Variants in KLHL13 observed in about 807,000 individuals in gnomAD.
KLHL13 encodes the protein kelch-like protein 13.
A neutral mutation model predicts 37.1 loss-of-function variants in KLHL13; 10 were observed. The ratio of observed to expected loss-of-function variants is 0.27; its 90% CI spans 0.17 to 0.46. The LOEUF (loss-of-function observed/expected upper bound fraction) is 0.46. KLHL13 is among the 20% of genes least tolerant of loss of function. KLHL13 has a pLI of 1.00. For missense variants in KLHL13, 360 were observed against 509.3 expected (o/e 0.71, Z 2.82); for synonymous variants, 163 against 181.2 (o/e 0.90, Z 0.81).
chrX:118,032,775 A>G (rs1026129977), intron 1 of KLHL13, among the ~76,000 whole-genome samples: 3 of 112,282 alleles, frequency 2.7e-5, no homozygotes, highest in Non-Finnish European at 5.6e-5. Context: ...AGAAGGCTTC[A>G]GACGGTCAAA....
chrX:117,938,366 G>A (rs1014626589), intron 2 of KLHL13, among the ~76,000 whole-genome samples: 5 of 111,019 alleles, frequency 4.5e-5, no homozygotes, highest in African/African-American at 9.8e-5. Context: ...GCCATGACTC[G>A]GTGGAAGAAG....
chrX:118,092,729 A>C, intron 1 of KLHL13, among the ~76,000 whole-genome samples: 1 of 110,926 alleles, frequency 9.0e-6, no homozygotes, highest in East Asian at 2.8e-4. Flanking sequence ...ATCATTGTGG[A>C]GGTGGTTACA....
chrX:118,059,754 C>T (rs2054721579), intron 1 of KLHL13, among the ~76,000 whole-genome samples: 1 of 111,234 alleles, frequency 9.0e-6, no homozygotes, highest in South Asian at 3.8e-4. Flanking sequence ...TCCAAACTCC[C>T]TCTCTGGGCT....
At chrX:117,981,627 A>C in intron 1 of KLHL13, among the ~76,000 whole-genome samples, 1 of 111,967 alleles carries the variant, frequency 8.9e-6, no homozygotes, top group Middle Eastern at 4.6e-3. Flanking sequence ...AGTCAGAGAC[A>C]CTTGAGCATT....
chrX:117,940,041 C>T (rs1016044755), intron 2 of KLHL13, among the ~76,000 whole-genome samples: 1 of 111,707 alleles, frequency 9.0e-6, no homozygotes, highest in Non-Finnish European at 1.9e-5. Flanking sequence ...AATGGTATTG[C>T]CTAGGTTTTC....
chrX:117,941,598 T>C (rs1207476234), intron 2 of KLHL13, among the ~76,000 whole-genome samples: 1 of 111,954 alleles, frequency 8.9e-6, no homozygotes, highest in Admixed American at 9.5e-5. Flanking sequence ...TACCCATTTC[T>C]TCTAGATTTT....
intron 1 of KLHL13, among the ~76,000 whole-genome samples, chrX:118,032,649 A>G (rs1193730388): frequency 1.8e-5 from 2 of 112,245 alleles, no homozygotes; most frequent in Non-Finnish European, 3.8e-5. Context: ...GAAAAAACAG[A>G]GCAGAAAAAC....
intron 1 of KLHL13, among the ~76,000 whole-genome samples, chrX:118,031,591 T>C (rs1004487177): frequency 5.1e-5 from 5 of 98,369 alleles, no homozygotes; most frequent in Admixed American, 1.2e-4. Context: ...ATATATTTAG[T>C]TATATATATA....
chrX:118,002,167 C>T (rs1044135178), intron 1 of KLHL13, among the ~76,000 whole-genome samples: 5 of 111,508 alleles, frequency 4.5e-5, no homozygotes, highest in Non-Finnish European at 9.4e-5. Flanking sequence ...CCTAAATCAC[C>T]GGGTTAGATG....
At chrX:117,953,266 G>C (rs1933727081) in intron 1 of KLHL13, among the ~76,000 whole-genome samples, 1 of 110,812 alleles carries the variant, frequency 9.0e-6, no homozygotes, top group Non-Finnish European at 1.9e-5. Context: ...GGACATGGAT[G>C]AAATTGGAAA....
intron 2 of KLHL13, among the ~76,000 whole-genome samples, chrX:117,926,557 G>T (rs1304274333): frequency 9.0e-6 from 1 of 111,614 alleles, no homozygotes; most frequent in African/African-American, 3.3e-5. Context: ...CAAGGCTGGG[G>T]TTTTAAGCAT....
intron 1 of KLHL13, among the ~76,000 whole-genome samples, chrX:118,092,346 G>A (rs771354251): frequency 1.8e-5 from 2 of 111,552 alleles, no homozygotes; most frequent in South Asian, 7.5e-4. Context: ...CAATTCACAT[G>A]ACAGCAGATT....
intron 1 of KLHL13, among the ~76,000 whole-genome samples, chrX:118,046,144 T>C (rs1458063198): frequency 8.9e-6 from 1 of 112,474 alleles, no homozygotes; most frequent in Non-Finnish European, 1.9e-5. Context: ...AACCTAAGTG[T>C]CCATCAACAG....
intron 1 of KLHL13, among the ~76,000 whole-genome samples, chrX:118,056,528 T>C (rs966419018): frequency 8.9e-6 from 1 of 111,967 alleles, no homozygotes; most frequent in African/African-American, 3.2e-5. Context: ...CAGGAAAGCC[T>C]TATCTGTCCT....
chrX:117,922,292 G>A (rs915982192), intron 2 of KLHL13, among the ~76,000 whole-genome samples: 1 of 111,258 alleles, frequency 9.0e-6, no homozygotes, highest in African/African-American at 3.3e-5. Flanking sequence ...CAATAAATTT[G>A]TGGGAATCAC....
At chrX:117,970,782 T>G (rs1239885547) in intron 1 of KLHL13, among the ~76,000 whole-genome samples, 1 of 111,883 alleles carries the variant, frequency 8.9e-6, no homozygotes, top group Non-Finnish European at 1.9e-5. Context: ...AATTTCTATC[T>G]GTGCATATTT....
At chrX:117,976,890 T>G (rs749186357), upstream of KLHL13, among the ~76,000 whole-genome samples, 59 of 112,270 alleles carry the variant, frequency 5.3e-4, no homozygotes, top group Non-Finnish European at 9.8e-4. Context: ...GGAGAAGATT[T>G]GTTGAAATTT....
At chrX:118,044,554 A>G (rs1052651979) in intron 1 of KLHL13, among the ~76,000 whole-genome samples, 5 of 111,665 alleles carry the variant, frequency 4.5e-5, no homozygotes, top group African/African-American at 1.6e-4. Flanking sequence ...GACCAATGGA[A>G]CAGAATAGAG....
rs56692141 is a variant in KLHL13, at chrX:117,903,179, CGAGA to C, written c.1367-1237_1367-1234del. Among the ~76,000 whole-genome samples the C allele has an allele frequency of 8.0e-3, 742 of 92,211 alleles. 5 individuals carry two copies. Among genetic ancestry groups the C allele is most frequent in the Middle Eastern group, 0.016 (3 of 187 alleles). 80.1% of individuals were successfully genotyped at this position (92,211 alleles called of 115,157 possible). On this transcript the variant is annotated intron_variant, in intron 5 of 6. Coordinates refer to ENST00000262820, the Ensembl canonical transcript of KLHL13. Reference sequence around the variant, plus strand: ...ACACAGAGAGAGAGAGAGAGGAGAGCGAGAGAGAGAGAGAGAGAGAGAGAGACTA... The same window carrying C: ...ACACAGAGAGAGAGAGAGAGGAGAGCGAGAGAGAGAGAGAGAGAGAGACTA...
Sources: gnomAD v4.1 joint callset for allele counts (sites outside exome capture counted in the v4.1 genomes callset) on GRCh38, gnomAD v4.1.1 for gene constraint, MANE v1.5 for transcripts, NCBI Gene and HGNC (gene_info 2026-07-23, HGNC 2026-07-21) for gene names.